Variants in EFR3B observed in about 807,000 individuals in gnomAD.
The protein encoded by EFR3B is protein EFR3 homolog B.
EFR3B carries 64 observed loss-of-function variants against 104.7 expected under a neutral mutation model. That is an observed-to-expected ratio of 0.61 (90% CI 0.50 to 0.75). EFR3B has a LOEUF of 0.75. EFR3B is among the 30% of genes least tolerant of loss of function. The pLI is 0.00. For missense variants in EFR3B, 750 were observed against 1,078.5 expected, an observed-to-expected ratio of 0.70 and a Z score of 4.27; for synonymous variants, 385 against 417.9, an observed-to-expected ratio of 0.92 and a Z score of 0.96.
At chr2:25,103,494 A>C in intron 3 of EFR3B, 143 bp from the exon 4 acceptor site, 1 of 1,163,754 alleles carries the variant, frequency 8.6e-7, no homozygotes, top group Non-Finnish European at 1.2e-6. Context: ...TGGAAAGGCT[A>C]TCCAGACGTT....
At chr2:25,044,065 C>T (rs979117556) in intron 1 of EFR3B, among the ~76,000 whole-genome samples, 2 of 152,238 alleles carry the variant, frequency 1.3e-5, no homozygotes, top group African/African-American at 2.4e-5. Flanking sequence ...GGAATCAAAG[C>T]ATCTGGGTGC....
Position 25,137,749 on chromosome 2 carries a change from C to T in EFR3B, c.1722+247C>T, listed in dbSNP as rs573046777. ...CTAAAGAAGACCCAGGGAACCGGGT[C>T]GTTCAGAAACATCCCTTAGCTACTA... On this transcript the variant is annotated intron_variant, in intron 15 of 22. Coordinates refer to ENST00000403714, the MANE Select transcript of EFR3B (RefSeq NM_014971.2). This position sits in a 1 kb window ranked among gnomAD's most constrained non-coding sequence, Gnocchi z 4.7. 9.9e-5 allele frequency among the ~76,000 whole-genome samples: 15 copies of T among 152,272 alleles called. No homozygotes were observed. The East Asian group carries it at 2.9e-3, about 29-fold the overall frequency.
intron 1 of EFR3B, among the ~76,000 whole-genome samples, chr2:25,069,591 T>C (rs888383276): frequency 6.6e-6 from 1 of 152,242 alleles, no homozygotes; most frequent in African/African-American, 2.4e-5. Context: ...ATGTAGACAA[T>C]CTGTCTGAGA....
intron 1 of EFR3B, among the ~76,000 whole-genome samples, chr2:25,089,775 C>T (rs1669061351): frequency 6.6e-6 from 1 of 152,146 alleles, no homozygotes; most frequent in Non-Finnish European, 1.5e-5. Context: ...GAGGCTGAAC[C>T]TGGAGAGCCT....
chr2:25,117,673 A>C (rs1247489375), intron 4 of EFR3B, among the ~76,000 whole-genome samples: 5 of 152,036 alleles, frequency 3.3e-5, no homozygotes, highest in Non-Finnish European at 2.9e-5. Flanking sequence ...TGGCCTCCCA[A>C]AGTGCTGGGA....
chr2:25,074,419 G>A (rs1668577596), intron 1 of EFR3B, among the ~76,000 whole-genome samples: 1 of 152,026 alleles, frequency 6.6e-6, no homozygotes, highest in Admixed American at 6.6e-5. Flanking sequence ...ACAAAAATTA[G>A]CCAGGCGTGG....
At chr2:25,090,799 G>A (rs777356947) in intron 1 of EFR3B, among the ~76,000 whole-genome samples, 5 of 152,204 alleles carry the variant, frequency 3.3e-5, no homozygotes, top group Non-Finnish European at 5.9e-5. Context: ...CTGAAGAGCA[G>A]GGAATAAAGA....
chr2:25,098,310 C>G (rs1669337971), intron 3 of EFR3B, among the ~76,000 whole-genome samples: 1 of 152,206 alleles, frequency 6.6e-6, no homozygotes, highest in South Asian at 2.1e-4. Flanking sequence ...AGCTGCCTCC[C>G]TCATCCTGCC....
At position 25,114,296 on chromosome 2, in the gene EFR3B, C is replaced by T. The variant is rs1372254614; in HGVS notation, c.364-7377C>T. ...GGGACCCACGGACAGCGCTCCCTGA[C>T]CAGGTGACCTAGCTGGGCTGCTGCG... is the stretch of plus-strand genomic sequence containing the variant. On this transcript the variant is annotated intron_variant, in intron 4 of 22. Transcript: ENST00000403714. This position sits in a 1 kb window ranked among gnomAD's most constrained non-coding sequence, Gnocchi z 4.0. 6.6e-6 allele frequency among the ~76,000 whole-genome samples: 1 copy of T among 152,182 alleles called. No individual in the cohort carries two copies. Among genetic ancestry groups the T allele is most frequent in the Non-Finnish European group, 1.5e-5 (1 of 68,028 alleles).
rs1282166911 is a variant in EFR3B, at chr2:25,154,212, C to T, written c.2349-23C>T. 2 of 1,548,274 alleles carry T rather than the reference C, an allele frequency of 1.3e-6. No homozygotes were observed. Among genetic ancestry groups the T allele is most frequent in the South Asian group, 1.2e-5 (1 of 83,964 alleles). On this transcript the variant is annotated intron_variant, in intron 22 of 22. Coordinates refer to ENST00000403714, the MANE Select transcript of EFR3B (RefSeq NM_014971.2). The surrounding 1 kb of genome is among the most constrained non-coding windows in gnomAD (Gnocchi z 4.1). Reference sequence around the variant, plus strand: ...TAAAATTCTCTTTTCATGCCTTTCTCCCCATGTGTTCCTGCCCCCTAGGCC... The same window carrying T: ...TAAAATTCTCTTTTCATGCCTTTCTTCCCATGTGTTCCTGCCCCCTAGGCC...
At chr2:25,077,905 A>G (rs1668681334) in intron 1 of EFR3B, among the ~76,000 whole-genome samples, 1 of 152,118 alleles carries the variant, frequency 6.6e-6, no homozygotes, top group African/African-American at 2.4e-5. Context: ...TCCCCATTGG[A>G]GGGTTGTTGA....
intron 1 of EFR3B, among the ~76,000 whole-genome samples, chr2:25,088,123 C>A (rs1297784124): frequency 2.0e-5 from 3 of 152,174 alleles, no homozygotes; most frequent in African/African-American, 7.2e-5. Context: ...CTCCTCTTCC[C>A]CTACCGCATG....
intron 3 of EFR3B, among the ~76,000 whole-genome samples, chr2:25,097,840 C>T (rs148690355): frequency 8.3e-4 from 127 of 152,262 alleles, no homozygotes; most frequent in Middle Eastern, 3.4e-3. Context: ...AAGACTCGCT[C>T]AGTCGACAGT....
chr2:25,153,812 G>A (rs113389176), intron 22 of EFR3B, 51 bp downstream of exon 22: 54,758 of 1,535,492 alleles, frequency 0.036, 1,364 homozygotes, highest in South Asian at 0.11. Context: ...CCCAGTATTG[G>A]GGTTCCTCAT....
chr2:25,153,938 A>T (rs1250249577), intron 22 of EFR3B, among the ~76,000 whole-genome samples, 177 bp downstream of exon 22: 1 of 152,194 alleles, frequency 6.6e-6, no homozygotes, highest in South Asian at 2.1e-4. Context: ...TAGACAAGGA[A>T]ATAGAGACCA....
At chr2:25,110,928 C>T (rs1043685234) in intron 4 of EFR3B, among the ~76,000 whole-genome samples, 2 of 152,218 alleles carry the variant, frequency 1.3e-5, no homozygotes, top group African/African-American at 4.8e-5. Context: ...CTCTGCCCCT[C>T]TTTTATTCAT....
intron 1 of EFR3B, among the ~76,000 whole-genome samples, chr2:25,076,330 A>T (rs1025345103): frequency 8.5e-5 from 13 of 152,200 alleles, no homozygotes; most frequent in African/African-American, 3.1e-4. Flanking sequence ...TGGGAAAAAG[A>T]TTTTAATAAT....
chr2:25,139,036 A>G, intron 15 of EFR3B, 23 bp from the exon 16 acceptor site: 2 of 1,551,394 alleles, frequency 1.3e-6, no homozygotes, highest in Non-Finnish European at 1.7e-6. Context: ...AAAACTCCGG[A>G]GGCCTTGTCT....
intron 1 of EFR3B, among the ~76,000 whole-genome samples, chr2:25,077,471 A>G (rs929258766): frequency 1.3e-5 from 2 of 152,152 alleles, no homozygotes; most frequent in African/African-American, 2.4e-5. Flanking sequence ...GTGTATTTTT[A>G]GTAGAGATGG....
Sources: allele counts gnomAD v4.1 joint callset (sites outside exome capture counted in the v4.1 genomes callset), GRCh38; gene constraint gnomAD v4.1.1; non-coding constraint Gnocchi (gnomAD v3.1); transcripts MANE v1.5; gene names NCBI Gene and HGNC (gene_info 2026-07-23, HGNC 2026-07-21).